Variants in PCDH15 observed in about 807,000 individuals in gnomAD.
The protein encoded by PCDH15 is protocadherin related 15, also known as protocadherin-15.
A neutral mutation model predicts 178.5 loss-of-function variants in PCDH15; 129 were observed. The observed-to-expected ratio is 0.72, with a 90% confidence interval of 0.63 to 0.84. PCDH15 has a LOEUF of 0.84. Ranked by LOEUF, PCDH15 falls within the 40% of genes least tolerant of loss-of-function variation. The pLI is 0.00. For synonymous variants in PCDH15, 800 were observed against 732.0 expected (o/e 1.09, Z -1.50); for missense variants, 2,230 against 2,099.9 (o/e 1.06, Z -1.21).
chr10:54,961,226 T>C lies in PCDH15; in HGVS notation c.-79-63726A>G, dbSNP rs181745531. On this transcript the variant is annotated intron_variant, in intron 2 of 5. Coordinates refer to the PCDH15 transcript ENST00000458638. ...CAGGGTGCTGCTGTGACCTGGCCAG[T>C]TGTGCACACACTCCAGGCAGCACTG... 5.0e-3 allele frequency among the ~76,000 whole-genome samples: 763 copies of C among 152,274 alleles called. 7 individuals are homozygous for C. Among genetic ancestry groups the C allele is most frequent in the Non-Finnish European group, 6.5e-3 (442 of 68,026 alleles).
intron 2 of PCDH15, among the ~76,000 whole-genome samples, chr10:55,395,602 C>T (rs998529604): frequency 3.3e-5 from 5 of 151,996 alleles, no homozygotes; most frequent in African/African-American, 1.2e-4. Context: ...AGAATTTTCT[C>T]TAGCCTATAG....
At chr10:54,405,383 C>T (rs111249850) in intron 3 of PCDH15, among the ~76,000 whole-genome samples, 7 of 151,994 alleles carry the variant, frequency 4.6e-5, no homozygotes, top group African/African-American at 9.6e-5. Context: ...GTCTTTTGCA[C>T]GAACATGGAT....
In PCDH15 at chr10:54,503,264, T is replaced by TGTGAGA. The variant is rs35648214; in HGVS notation, c.157+24547_157+24548insTCTCAC. 1.6e-3 allele frequency among the ~76,000 whole-genome samples: 222 copies of TGTGAGA among 137,370 alleles called. 2 individuals are homozygous for TGTGAGA. Among genetic ancestry groups the TGTGAGA allele is most frequent in the Middle Eastern group, 3.7e-3 (1 of 272 alleles). 90.1% of individuals were successfully genotyped at this position (137,370 alleles called of 152,430 possible). ...GTGTGTGTGTGTGTGTGTGTGTGTG[T>TGTGAGA]GATTATATATATTTATATATAATAT... is the stretch of plus-strand genomic sequence containing the variant. On this transcript the variant is annotated intron_variant, in intron 3 of 37. Transcript: ENST00000644397.
chr10:55,242,855 A>G (rs1204455819), intron 1 of PCDH15, among the ~76,000 whole-genome samples: 1 of 152,142 alleles, frequency 6.6e-6, no homozygotes, highest in Non-Finnish European at 1.5e-5. Context: ...AAAACAAACA[A>G]ACAAACAAAA....
chr10:55,540,838 G>C (rs1426226953), intron 2 of PCDH15, among the ~76,000 whole-genome samples: 1 of 151,998 alleles, frequency 6.6e-6, no homozygotes, highest in Non-Finnish European at 1.5e-5. Flanking sequence ...AAAGAAGTAA[G>C]CTACAAATAT....
chr10:54,033,532 T>C (rs1354440061), intron 18 of PCDH15, among the ~76,000 whole-genome samples: 1 of 151,920 alleles, frequency 6.6e-6, no homozygotes. Context: ...CTCATTACAG[T>C]GGCATCACTT....
At chr10:53,941,757 T>C (rs1274301296) in intron 23 of PCDH15, among the ~76,000 whole-genome samples, 3 of 152,214 alleles carry the variant, frequency 2.0e-5, no homozygotes, top group South Asian at 4.1e-4. Context: ...AAACTGACTG[T>C]ACCATTTTGT....
chr10:54,206,529 G>T (rs1423247846), intron 10 of PCDH15, among the ~76,000 whole-genome samples: 1 of 152,054 alleles, frequency 6.6e-6, no homozygotes. Flanking sequence ...ACTGAGGTCT[G>T]ATCCCATTCC....
intron 2 of PCDH15, among the ~76,000 whole-genome samples, chr10:55,070,560 C>G (rs995925796): frequency 4.6e-5 from 7 of 152,120 alleles, no homozygotes; most frequent in Admixed American, 2.6e-4. Context: ...GCTTGTTTTT[C>G]TCAGGTTTGT....
chr10:54,284,754 C>T (rs1415328036), intron 8 of PCDH15, among the ~76,000 whole-genome samples: 3 of 152,100 alleles, frequency 2.0e-5, no homozygotes, highest in African/African-American at 7.2e-5. Context: ...AGCAGGCCTT[C>T]CTCATTCCAA....
intron 3 of PCDH15, among the ~76,000 whole-genome samples, chr10:54,853,461 A>T (rs1218309392): frequency 1.3e-5 from 1 of 76,510 alleles, no homozygotes; most frequent in Non-Finnish European, 3.4e-5. Context: ...ATACACATAC[A>T]TATATATATA....
At position 54,133,019 on chromosome 10, in the gene PCDH15, G is replaced by C. The variant is rs764181350; in HGVS notation, c.1785-12C>G. 3.7e-6 allele frequency: 6 copies of C among 1,613,918 alleles called. No homozygotes were observed. The East Asian group carries it at 1.3e-4, about 36-fold the overall frequency. ...TGCAGATGGAGTTCCTGCAGAGAAA[G>C]AGAGGAAAAGAAGATGGTTACGAAT... On this transcript the variant is annotated splice_polypyrimidine_tract_variant and intron_variant, in intron 14 of 37. Coordinates refer to ENST00000644397, the MANE Select transcript of PCDH15 (RefSeq NM_001384140.1).
At chr10:54,783,466 T>C in intron 1 of PCDH15, among the ~76,000 whole-genome samples, 1 of 151,926 alleles carries the variant, frequency 6.6e-6, no homozygotes, top group East Asian at 1.9e-4. Context: ...GAAAGCAAAG[T>C]AAACATAGTA....
chr10:54,565,368 G>T (rs1413853010), intron 2 of PCDH15, among the ~76,000 whole-genome samples: 1 of 152,104 alleles, frequency 6.6e-6, no homozygotes, highest in Non-Finnish European at 1.5e-5. Context: ...ATCAACCTCT[G>T]GTCCTTGATT....
At chr10:53,833,753 T>C (rs1017357591) in intron 29 of PCDH15, among the ~76,000 whole-genome samples, 3 of 152,070 alleles carry the variant, frequency 2.0e-5, no homozygotes, top group African/African-American at 7.2e-5. Context: ...GAAATAACTG[T>C]CATTATCAGG....
intron 2 of PCDH15, among the ~76,000 whole-genome samples, chr10:55,484,511 A>T (rs1358327071): frequency 6.6e-6 from 1 of 151,634 alleles, no homozygotes; most frequent in Non-Finnish European, 1.5e-5. Flanking sequence ...CTAACAAAAT[A>T]CCAAGACATT....
At position 54,278,216 on chromosome 10, in the gene PCDH15, A is replaced by C. The variant is rs116778309; in HGVS notation, c.876+39055T>G. On this transcript the variant is annotated intron_variant, in intron 8 of 37. Coordinates refer to ENST00000644397, the MANE Select transcript of PCDH15 (RefSeq NM_001384140.1). ...ATGTAATTGGTTCTACTATAACTAC[A>C]CTCTTTAAAAATGGATATTTTAGTA... Among the ~76,000 whole-genome samples, 1,094 of 151,504 alleles carry C rather than the reference A, an allele frequency of 7.2e-3. 12 individuals carry two copies. Among genetic ancestry groups the C allele is most frequent in the African/African-American group, 0.02 (839 of 41,446 alleles).
chr10:55,415,429 T>C (rs753617209), intron 2 of PCDH15, among the ~76,000 whole-genome samples: 1 of 151,674 alleles, frequency 6.6e-6, no homozygotes, highest in Non-Finnish European at 1.5e-5. Flanking sequence ...TTGGAAAAAG[T>C]ATTTGACATT....
chr10:54,058,535 G>A (rs1471070798), intron 18 of PCDH15, among the ~76,000 whole-genome samples: 1 of 152,066 alleles, frequency 6.6e-6, no homozygotes, highest in Non-Finnish European at 1.5e-5. Flanking sequence ...CCTCCCACCT[G>A]GTCCTTTCCA....
Sources: gnomAD v4.1 joint callset for allele counts (sites outside exome capture counted in the v4.1 genomes callset) on GRCh38, gnomAD v4.1.1 for gene constraint, MANE v1.5 for transcripts, NCBI Gene and HGNC (gene_info 2026-07-23, HGNC 2026-07-21) for gene names.